The following RIN2 variants were observed in gnomAD, a reference collection of about 807,000 sequenced individuals.
RIN2 encodes the protein Ras and Rab interactor 2, also known as RAB5 interacting protein 2.
A neutral mutation model predicts 78.0 loss-of-function variants in RIN2; 36 were observed. The ratio of observed to expected loss-of-function variants is 0.46; its 90% CI spans 0.35 to 0.61. The LOEUF (loss-of-function observed/expected upper bound fraction) is 0.61, where lower values mean the gene tolerates loss of function less well. RIN2 is among the 20% of genes least tolerant of loss of function. RIN2 has a pLI of 0.00. For missense variants in RIN2, 1,087 were observed against 1,159.7 expected (o/e 0.94, Z 0.91); for synonymous variants, 466 against 466.8 (o/e 1.00, Z 0.02).
In RIN2 at chr20:19,975,595, G is replaced by C. The variant is rs774705374; in HGVS notation, c.1570G>C (p.Asp524His). The C allele has an allele frequency of 6.2e-7, 1 of 1,613,870 alleles. No individual in the cohort carries two copies. Among genetic ancestry groups the C allele is most frequent in the African/African-American group, 1.3e-5 (1 of 74,920 alleles). The change falls in exon 9 of 13, where the codon GAC becomes CAC. Residue 524 changes from aspartate to histidine, a missense_variant. Coordinates refer to ENST00000255006, the MANE Select transcript of RIN2 (RefSeq NM_018993.4). The surrounding 1 kb of genome is among the most constrained non-coding windows in gnomAD (Gnocchi z 4.9). ...MVRRIAELSR[D>H]KCTYFGCLVQ... ...CCGCAGGATCGCCGAGCTTTCCCGG[G>C]ACAAATGCACCTACTTCGGGTGCTT...
intron 9 of RIN2, among the ~76,000 whole-genome samples, chr20:19,984,032 CT>C (rs2042549000): frequency 1.4e-5 from 2 of 140,348 alleles, no homozygotes; most frequent in African/African-American, 5.7e-5. Context: ...CTCCCCCCTC[CT>C]CCCACCCAAC....
At chr20:19,823,603 C>G (rs905787644) in intron 2 of RIN2, 5 of 1,535,066 alleles carry the variant, frequency 3.3e-6, no homozygotes, top group Non-Finnish European at 4.4e-6. Flanking sequence ...CCGCATCTGT[C>G]GAGCAATGTT....
At chr20:19,940,563 C>G (rs2040827287) in intron 4 of RIN2, among the ~76,000 whole-genome samples, 1 of 152,140 alleles carries the variant, frequency 6.6e-6, no homozygotes, top group African/African-American at 2.4e-5. Context: ...GCTGATCTAC[C>G]AAATGGAAGC....
At chr20:19,831,583 G>A (rs1048673194) in intron 2 of RIN2, among the ~76,000 whole-genome samples, 3 of 152,134 alleles carry the variant, frequency 2.0e-5, no homozygotes, top group Admixed American at 6.5e-5. Flanking sequence ...AGAGTAGACC[G>A]AGATTGTTTT....
chr20:19,961,748 C>T (rs973066415), intron 6 of RIN2, among the ~76,000 whole-genome samples: 8 of 152,060 alleles, frequency 5.3e-5, no homozygotes, highest in Admixed American at 1.3e-4. Context: ...GACTGTGAAC[C>T]GCCTCCAGCT....
chr20:19,885,665 C>T (rs1298341388), intron 2 of RIN2, among the ~76,000 whole-genome samples: 5 of 138,292 alleles, frequency 3.6e-5, no homozygotes, highest in Admixed American at 2.2e-4. Context: ...GACCCTGTCT[C>T]GAAAAAGAAA....
At chr20:19,988,554 G>A (rs778431991) in intron 9 of RIN2, among the ~76,000 whole-genome samples, 23 of 152,336 alleles carry the variant, frequency 1.5e-4, no homozygotes, top group South Asian at 8.3e-4. Context: ...GTGCAAACGT[G>A]TGAGGTCAAA....
chr20:19,779,941 G>A (rs6046314), intron 1 of RIN2, among the ~76,000 whole-genome samples: 2,325 of 152,214 alleles, frequency 0.015, 62 homozygotes, highest in African/African-American at 0.054. Flanking sequence ...CTAAAGAAGC[G>A]ATATTATGGC....
chr20:19,958,407 C>T (rs928766741), intron 5 of RIN2, among the ~76,000 whole-genome samples: 1 of 152,278 alleles, frequency 6.6e-6, no homozygotes, highest in African/African-American at 2.4e-5. Flanking sequence ...CCAGCTCCCC[C>T]TCCCAAGGTA....
intron 3 of RIN2, among the ~76,000 whole-genome samples, chr20:19,909,805 C>T (rs1176855075): frequency 6.6e-6 from 1 of 152,244 alleles, no homozygotes; most frequent in Non-Finnish European, 1.5e-5. Context: ...AAACTGGTCT[C>T]CTTGGTGGCC....
At chr20:19,811,311 AC>A (rs1364630833) in intron 2 of RIN2, among the ~76,000 whole-genome samples, 2 of 152,114 alleles carry the variant, frequency 1.3e-5, no homozygotes, top group African/African-American at 4.8e-5. Flanking sequence ...TGGAGACCTC[AC>A]CTGCGAGTGG....
At chr20:19,884,903 G>C (rs1320024431) in intron 2 of RIN2, among the ~76,000 whole-genome samples, 2 of 152,194 alleles carry the variant, frequency 1.3e-5, no homozygotes, top group Non-Finnish European at 2.9e-5. Context: ...ATTCGGACTT[G>C]ACCTGACAGG....
chr20:19,783,034 A>G (rs750312919), intron 1 of RIN2, among the ~76,000 whole-genome samples: 7 of 152,170 alleles, frequency 4.6e-5, no homozygotes, highest in Non-Finnish European at 1.0e-4. Context: ...AGGAATTCAA[A>G]GCAGCGGCCG....
At chr20:19,907,148 G>A (rs2039254194) in intron 3 of RIN2, among the ~76,000 whole-genome samples, 1 of 152,146 alleles carries the variant, frequency 6.6e-6, no homozygotes, top group East Asian at 1.9e-4. Context: ...GAGAGAGAAG[G>A]AAAAGGGGCT....
intron 9 of RIN2, among the ~76,000 whole-genome samples, chr20:19,980,042 C>A (rs1415098704): frequency 4.8e-5 from 2 of 42,038 alleles, no homozygotes; most frequent in Non-Finnish European, 5.6e-5. Flanking sequence ...GAAACTCCAT[C>A]TCAAAAAAAA....
intron 1 of RIN2, among the ~76,000 whole-genome samples, chr20:19,791,474 G>A (rs2122623723): frequency 6.6e-6 from 1 of 152,316 alleles, no homozygotes; most frequent in South Asian, 2.1e-4. Flanking sequence ...ATCCACCAAA[G>A]AGGAGATGTG....
chr20:19,928,943 GAGGTCTGCTGTGCTGTATA>G (rs1259462780), intron 3 of RIN2, among the ~76,000 whole-genome samples: 1 of 152,324 alleles, frequency 6.6e-6, no homozygotes, highest in East Asian at 1.9e-4. Flanking sequence ...GACCTCCGTT[GAGGTCTGCTGTGCTGTATA>G]AGGATAGGTG....
intron 2 of RIN2, among the ~76,000 whole-genome samples, chr20:19,863,086 C>T (rs1311145416): frequency 2.6e-5 from 4 of 152,134 alleles, no homozygotes; most frequent in African/African-American, 7.2e-5. Flanking sequence ...CATCTTATTG[C>T]TTTGTCAAAT....
At chr20:19,773,285 A>G (rs1441440581) in intron 1 of RIN2, among the ~76,000 whole-genome samples, 1 of 152,216 alleles carries the variant, frequency 6.6e-6, no homozygotes, top group Non-Finnish European at 1.5e-5. Flanking sequence ...CCCATTTCCA[A>G]ATAAGGTAAT....
Sources: allele counts gnomAD v4.1 joint callset (sites outside exome capture counted in the v4.1 genomes callset), GRCh38; gene constraint gnomAD v4.1.1; non-coding constraint Gnocchi (gnomAD v3.1); transcripts MANE v1.5; gene names NCBI Gene and HGNC (gene_info 2026-07-23, HGNC 2026-07-21).